ERBIN: variants seen among roughly 807,000 people sequenced by gnomAD.
The protein encoded by ERBIN is erbb2 interacting protein, also known as densin-180-like protein.
Under a neutral mutation model 158.4 loss-of-function variants are expected in ERBIN, and 60 were observed. The ratio of observed to expected loss-of-function variants is 0.38; its 90% confidence interval spans 0.31 to 0.47. The LOEUF (loss-of-function observed/expected upper bound fraction) is 0.47, where lower values mean the gene tolerates loss of function less well. Among genes scored for constraint, ERBIN ranks in the 20% least tolerant of loss-of-function variants. The probability of loss-of-function intolerance (pLI) is 0.99; values close to 1 mark genes in which losing one functional copy is unlikely to be tolerated. For synonymous variants in ERBIN, 594 were observed against 557.2 expected, an observed-to-expected ratio of 1.07 and a Z score of -0.93; for missense variants, 1,610 against 1,648.0, an observed-to-expected ratio of 0.98 and a Z score of 0.40.
chr5:66,061,491 T>G (rs1760333051), intron 21 of ERBIN, among the ~76,000 whole-genome samples: 1 of 152,204 alleles, frequency 6.6e-6, no homozygotes, highest in Admixed American at 6.5e-5. Flanking sequence ...TCTTGCCTCT[T>G]TATCCAATTT....
In ERBIN at chr5:66,043,142, G is replaced by A; in HGVS notation, c.1372G>A (p.Ala458Thr). Residue 458 changes from alanine to threonine, a missense_variant, in exon 16 of 26, where the codon GCT becomes ACT. Ala to Thr is a moderately conservative substitution (Grantham distance 58). This residue lies in a region of ERBIN where 596 missense variants were observed against 711.9 expected (regional missense o/e 0.84). Coordinates refer to ENST00000284037, the MANE Select transcript of ERBIN (RefSeq NM_001253697.2). Reference sequence around the variant, plus strand: ...GTGGGAGGAACAGAGGAAACAGCGGGCTCAAGTTGCATTTGAATGTGATGA... The same window carrying A: ...GTGGGAGGAACAGAGGAAACAGCGGACTCAAGTTGCATTTGAATGTGATGA... Reference protein sequence around the residue: ...SLWEEQRKQRAQVAFECDEDK... With the variant: ...SLWEEQRKQRTQVAFECDEDK... 1.9e-6 allele frequency: 3 copies of A among 1,613,084 alleles called. No individual in the cohort carries two copies. In the South Asian group the frequency reaches 3.3e-5, roughly 18 times the overall value.
intron 1 of ERBIN, among the ~76,000 whole-genome samples, chr5:65,962,446 C>T (rs986810206): frequency 6.6e-5 from 10 of 151,656 alleles, no homozygotes; most frequent in African/African-American, 2.4e-4. Context: ...AATGTTAGGA[C>T]TTATGCAACG....
At chr5:66,077,774 AC>A (rs1762125174) in intron 25 of ERBIN, among the ~76,000 whole-genome samples, 1 of 126,496 alleles carries the variant, frequency 7.9e-6, no homozygotes, top group African/African-American at 3.2e-5. Flanking sequence ...ACACACACAC[AC>A]ACACACACAC....
At position 66,059,573 on chromosome 5, in the gene ERBIN, T is replaced by G. The variant is rs1187972612; in HGVS notation, c.3633+4622T>G. 3.3e-5 allele frequency among the ~76,000 whole-genome samples: 5 copies of G among 152,346 alleles called. No individual in the cohort carries two copies. The East Asian group carries it at 9.6e-4, about 29-fold the overall frequency. On this transcript the variant is annotated intron_variant, in intron 21 of 25. Coordinates refer to ENST00000284037, the MANE Select transcript of ERBIN (RefSeq NM_001253697.2). ...ACCCTGGCCAGAATTTCCAACACTA[T>G]GTTGAATAGGAGTGGTGAGAGAGGG...
intron 25 of ERBIN, among the ~76,000 whole-genome samples, chr5:66,077,429 C>T (rs918364599): frequency 9.2e-5 from 14 of 151,862 alleles, no homozygotes; most frequent in African/African-American, 3.4e-4. Context: ...TCTACCCCTA[C>T]TGTCACCGTT....
chr5:66,061,235 T>C (rs1760267207), intron 21 of ERBIN, among the ~76,000 whole-genome samples: 1 of 151,902 alleles, frequency 6.6e-6, no homozygotes, highest in Admixed American at 6.5e-5. Context: ...GCTCCTGTAT[T>C]GGGTGCATAT....
intron 1 of ERBIN, among the ~76,000 whole-genome samples, chr5:65,979,153 G>A (rs932737298): frequency 2.0e-5 from 3 of 152,172 alleles, no homozygotes; most frequent in African/African-American, 4.8e-5. Flanking sequence ...ATAGTGGGGC[G>A]TGGTGGCTTA....
chr5:66,024,289 T>C lies in ERBIN; in HGVS notation c.673-17T>C, dbSNP rs781474949. On this transcript the variant is annotated splice_polypyrimidine_tract_variant and intron_variant, in intron 9 of 25. Coordinates refer to ENST00000284037, the MANE Select transcript of ERBIN (RefSeq NM_001253697.2). Reference sequence around the variant, plus strand: ...TAATGTTAATAGAGTCATTAGATTTTCTTTTTTTACTTATAGTTTATTGGT... The same window carrying C: ...TAATGTTAATAGAGTCATTAGATTTCCTTTTTTTACTTATAGTTTATTGGT... The C allele has an allele frequency of 1.4e-6, 2 of 1,441,518 alleles. No homozygotes were observed. Among genetic ancestry groups the C allele is most frequent in the Non-Finnish European group, 1.9e-6 (2 of 1,058,056 alleles). 89.3% of individuals were successfully genotyped at this position (1,441,518 alleles called of 1,614,324 possible). A position where few individuals can be genotyped will look rare whatever the true frequency, so the allele number is the denominator to read the frequency against.
intron 21 of ERBIN, among the ~76,000 whole-genome samples, chr5:66,058,196 G>A (rs1299148619): frequency 6.6e-6 from 1 of 151,710 alleles, no homozygotes; most frequent in Non-Finnish European, 1.5e-5. Context: ...TCCAGCACCT[G>A]TTGTTTCCTG....
At chr5:65,939,671 CGAGTGCCTGCG>C (rs1744572055) in intron 1 of ERBIN, among the ~76,000 whole-genome samples, 2 of 14,320 alleles carry the variant, frequency 1.4e-4, no homozygotes, top group African/African-American at 2.2e-4. Flanking sequence ...CTCAGCCTGC[CGAGTGCCTGCG>C]ATTGCAGGCG....
chr5:65,999,041 A>G (rs1246841599), intron 4 of ERBIN, among the ~76,000 whole-genome samples: 1 of 152,088 alleles, frequency 6.6e-6, no homozygotes, highest in Non-Finnish European at 1.5e-5. Context: ...AAATATGTTC[A>G]GGAAAAAGAT....
intron 22 of ERBIN, among the ~76,000 whole-genome samples, chr5:66,074,135 C>T (rs114573396): frequency 0.011 from 1,643 of 148,982 alleles, 26 homozygotes; most frequent in African/African-American, 0.037. Flanking sequence ...AGCAATCCTC[C>T]TGTATAGGCC....
At position 66,073,055 on chromosome 5, in the gene ERBIN, C is replaced by T. The variant is rs550510603; in HGVS notation, c.3756+764C>T. On this transcript the variant is annotated intron_variant, in intron 22 of 25. Coordinates refer to ENST00000284037, the MANE Select transcript of ERBIN (RefSeq NM_001253697.2). ...TGAGCTTTGTCATCCAGTTTTTTCTCATTACATATATTTTGTGGCTTAGGG... is the reference window on the plus strand; with the variant it reads ...TGAGCTTTGTCATCCAGTTTTTTCTTATTACATATATTTTGTGGCTTAGGG... Among the ~76,000 whole-genome samples, 10 of 152,174 alleles carry T rather than the reference C, an allele frequency of 6.6e-5. No homozygotes were observed. In the South Asian group the frequency reaches 2.1e-3, roughly 32 times the overall value.
intron 7 of ERBIN, among the ~76,000 whole-genome samples, chr5:66,019,816 A>G (rs915289713): frequency 4.6e-5 from 7 of 152,120 alleles, no homozygotes; most frequent in Non-Finnish European, 8.8e-5. Context: ...CAATAGTTAC[A>G]TGTGAATTTT....
chr5:66,026,487 TATATA>T (rs1756269435), intron 13 of ERBIN, 70 bp downstream of exon 13: 3 of 765,578 alleles, frequency 3.9e-6, no homozygotes, highest in Admixed American at 2.9e-5. Context: ...TTTCATATGA[TATATA>T]ATAGAATAGC....
intron 20 of ERBIN, among the ~76,000 whole-genome samples, chr5:66,051,956 G>A (rs190639562): frequency 2.6e-5 from 4 of 151,554 alleles, no homozygotes; most frequent in Admixed American, 6.6e-5. Flanking sequence ...TGTAATCCGA[G>A]CACTTTGGGA....
At chr5:65,981,089 C>G (rs970968481) in intron 1 of ERBIN, among the ~76,000 whole-genome samples, 4 of 152,144 alleles carry the variant, frequency 2.6e-5, no homozygotes, top group African/African-American at 9.7e-5. Context: ...TAGTACTGTT[C>G]TGTTGACTGC....
chr5:65,957,900 C>G (rs1196293052), intron 1 of ERBIN, among the ~76,000 whole-genome samples: 1 of 149,678 alleles, frequency 6.7e-6, no homozygotes, highest in Admixed American at 6.7e-5. Context: ...ACTTCTCAGC[C>G]GGGGCGGCTG....
Position 66,054,279 on chromosome 5 carries a change from C to A in ERBIN, c.2961C>A (p.Val987=). The A allele has an allele frequency of 6.2e-7, 1 of 1,614,150 alleles. No individual in the cohort carries two copies. The highest frequency in any genetic ancestry group is 1.1e-5 in the South Asian group (1 of 91,076). The part of the protein sequence containing the change: ...YNIQYSSSAA[V]KDTLWHSKQN... ...TCCAATACAGTAGCAGTGCTGCAGTCAAAGACACTTTGTGGCACTCCAAAC... is the reference window on the plus strand; with the variant it reads ...TCCAATACAGTAGCAGTGCTGCAGTAAAAGACACTTTGTGGCACTCCAAAC... The change falls in exon 21 of 26, where the codon GTC becomes GTA. Residue 987 remains valine (V), a synonymous_variant. Transcript: ENST00000284037.
Sources: allele counts gnomAD v4.1 joint callset (sites outside exome capture counted in the v4.1 genomes callset), GRCh38; gene constraint gnomAD v4.1.1; regional missense constraint gnomAD v4.1.1; transcripts MANE v1.5; gene names NCBI Gene and HGNC (gene_info 2026-07-23, HGNC 2026-07-21).